FDX2: variants seen among roughly 807,000 people sequenced by gnomAD.
The protein encoded by FDX2 is ferredoxin-2, mitochondrial.
A neutral mutation model predicts 18.5 loss-of-function variants in FDX2; 13 were observed. That is an observed-to-expected ratio of 0.70 (90% CI 0.46 to 1.12). The LOEUF (loss-of-function observed/expected upper bound fraction) is 1.12. Among genes scored for constraint, FDX2 ranks in the 50% most tolerant of loss-of-function variants. The pLI, the probability that FDX2 is intolerant of heterozygous loss-of-function variation, is 0.00. For synonymous variants in FDX2, 132 were observed against 106.2 expected, an observed-to-expected ratio of 1.24 and a Z score of -1.49; for missense variants, 238 against 250.4, an observed-to-expected ratio of 0.95 and a Z score of 0.34.
In FDX2 at chr19:10,310,456, T is replaced by A. The variant is rs773013930; in HGVS notation, c.*30A>T. On this transcript the variant is annotated 3_prime_UTR_variant, in exon 5 of 5. Coordinates refer to ENST00000393708, the MANE Select transcript of FDX2 (RefSeq NM_001031734.4). ...TCCCTCAATCTGGGCCCTGGGGCCA[T>A]GGCAATGTGGAATGGTCCAGGTGTT... 1 of 1,613,752 alleles carries A rather than the reference T, an allele frequency of 6.2e-7. No individual in the cohort carries two copies. Among genetic ancestry groups the A allele is most frequent in the East Asian group, 2.2e-5 (1 of 44,854 alleles).
At position 10,310,812 on chromosome 19, in the gene FDX2, C is replaced by T. The variant is rs745765253; in HGVS notation, c.404+41G>A. ...AGGATGGTGGGGGCTGCTGAATGCT[C>T]CAGGGTGAAGCTGCCAGCTAGACAG... On this transcript the variant is annotated intron_variant, in intron 4 of 4. Coordinates refer to ENST00000393708, the MANE Select transcript of FDX2 (RefSeq NM_001031734.4). 7.5e-6 allele frequency: 12 copies of T among 1,595,486 alleles called. No individual in the cohort carries two copies. The Admixed American group carries it at 2.0e-4, about 27-fold the overall frequency.
intron 3 of FDX2, 96 bp from the exon 4 acceptor site, chr19:10,311,036 C>G: frequency 3.7e-6 from 3 of 821,008 alleles, no homozygotes. Flanking sequence ...TCTTCCACCA[C>G]GTGCCTCACG....
At chr19:10,315,336 T>TTTTTTTTGGAAAAA in intron 3 of FDX2, 50 bp downstream of exon 3, 1 of 1,064,308 alleles carries the variant, frequency 9.4e-7, no homozygotes. Flanking sequence ...TTTTTTTTTT[T>TTTTTTTTGGAAAAA]TTGGACAAAT....
At chr19:10,315,552 A>AT in intron 2 of FDX2, 60 bp from the exon 3 acceptor site, 1 of 1,577,810 alleles carries the variant, frequency 6.3e-7, no homozygotes, top group Admixed American at 1.7e-5. Flanking sequence ...CCCGGGTAGA[A>AT]TCTAGGGTTA....
Position 10,315,994 on chromosome 19 carries a change from C to CA in FDX2, c.11dup (p.Met4IlefsTer106). The CA allele has an allele frequency of 6.2e-7, 1 of 1,602,724 alleles. No homozygotes were observed. The highest frequency in any genetic ancestry group is 8.5e-7 in the Non-Finnish European group (1 of 1,177,302). On this transcript the variant is annotated frameshift_variant, in exon 1 of 5. Transcript: ENST00000393708. LOFTEE classifies it high-confidence loss of function. ...CGCCTCCCCGGGCCATGGAGGCGGC[C>CA]ATGACATGCATCACGTGACTCACCG...
At chr19:10,315,618 G>A in intron 2 of FDX2, 87 bp downstream of exon 2, 1 of 1,517,282 alleles carries the variant, frequency 6.6e-7, no homozygotes, top group Non-Finnish European at 8.9e-7. Flanking sequence ...AGCAGAAGGG[G>A]GACCTCGAGA....
chr19:10,315,776 G>A lies in FDX2; in HGVS notation c.155-17C>T, dbSNP rs1269081808. The A allele has an allele frequency of 6.2e-7, 1 of 1,603,538 alleles. No homozygotes were observed. The highest frequency in any genetic ancestry group is 1.1e-5 in the South Asian group (1 of 90,070). The stretch of plus-strand genomic sequence containing the variant: ...GGCGCGAGCCTGGAAAACACGGTTC[G>A]GTGAGCGGCTGCGCCGAGCCCCGCC... On this transcript the variant is annotated splice_polypyrimidine_tract_variant and intron_variant, in intron 1 of 4. Coordinates refer to ENST00000393708, the MANE Select transcript of FDX2 (RefSeq NM_001031734.4).
chr19:10,310,054 C>T lies in FDX2; in HGVS notation c.*432G>A, dbSNP rs562719371. ...TACCACCACTCCACGCTAATTTTTA[C>T]TGTTTTTATAGAGACGAGGTCTCGC... On this transcript the variant is annotated 3_prime_UTR_variant, in exon 5 of 5. Transcript: ENST00000393708. 3 of 172,346 alleles carry T rather than the reference C, an allele frequency of 1.7e-5. No individual in the cohort carries two copies. Among genetic ancestry groups the T allele is most frequent in the East Asian group, 3.1e-4 (2 of 6,350 alleles). 10.7% of individuals were successfully genotyped at this position (172,346 alleles called of 1,614,324 possible).
intron 3 of FDX2, 49 bp downstream of exon 3, chr19:10,315,337 T>TTGGAAAAA: frequency 9.4e-7 from 1 of 1,064,558 alleles, no homozygotes; most frequent in Non-Finnish European, 1.3e-6. Context: ...TTTTTTTTTT[T>TTGGAAAAA]TGGACAAATG....
intron 1 of FDX2, 38 bp downstream of exon 1, chr19:10,315,814 G>A (rs756513776): frequency 1.9e-6 from 3 of 1,600,196 alleles, no homozygotes; most frequent in Middle Eastern, 1.7e-4. Flanking sequence ...GCCGGCATCT[G>A]ACGGATTAAC....
chr19:10,312,821 G>A (rs2040337905), intron 3 of FDX2, among the ~76,000 whole-genome samples: 1 of 151,672 alleles, frequency 6.6e-6, no homozygotes, highest in East Asian at 2.0e-4. Context: ...ACAGGCGTGA[G>A]CCACCACACC....
intron 3 of FDX2, among the ~76,000 whole-genome samples, chr19:10,312,740 T>G (rs914556605): frequency 6.6e-6 from 1 of 151,162 alleles, no homozygotes; most frequent in Non-Finnish European, 1.5e-5. Flanking sequence ...GGTTTCACCA[T>G]GTTAGCCAGG....
intron 3 of FDX2, among the ~76,000 whole-genome samples, chr19:10,311,182 T>G (rs2040320251): frequency 6.6e-6 from 1 of 152,094 alleles, no homozygotes. Flanking sequence ...AGGGACTCCC[T>G]AGCAGGCTGA....
At chr19:10,311,622 G>T (rs192206176) in intron 3 of FDX2, among the ~76,000 whole-genome samples, 1 of 151,320 alleles carries the variant, frequency 6.6e-6, no homozygotes, top group African/African-American at 2.4e-5. Context: ...GGATGGTCTT[G>T]ATCTCCTGAC....
intron 3 of FDX2, among the ~76,000 whole-genome samples, chr19:10,312,442 T>C (rs1010007174): frequency 2.6e-5 from 4 of 152,130 alleles, no homozygotes; most frequent in African/African-American, 9.7e-5. Context: ...CCTAAAACTT[T>C]CCAAAGGGTT....
chr19:10,310,624 G>A lies in FDX2; in HGVS notation c.423C>T (p.Asp141=), dbSNP rs749088975. 26 of 1,602,762 alleles carry A rather than the reference G, an allele frequency of 1.6e-5. No individual in the cohort carries two copies. The South Asian group carries it at 2.9e-4, about 18-fold the overall frequency. The change falls in exon 5 of 5, where the codon GAC becomes GAT. Residue 141 remains aspartate, a synonymous_variant. Transcript: ENST00000393708. The stretch of plus-strand genomic sequence containing the variant: ...AGTTCTCCTGGAGGAGGGGGGCCAT[G>A]TCTAGCATGTCGTCTTCCCTAGGGT...
rs759014355 is a variant in FDX2, at chr19:10,310,571, G to A, written c.476C>T (p.Thr159Ile). 14 of 1,614,124 alleles carry A rather than the reference G, an allele frequency of 8.7e-6. No homozygotes were observed. Among genetic ancestry groups the A allele is most frequent in the Non-Finnish European group, 1.1e-5 (13 of 1,180,022 alleles). ...GAATTCCGCTCCTTCCAGCTCCGGT[G>A]TCAGCACAATCTGGCAGCCCAGCCG... Residue 159 changes from threonine to isoleucine, a missense_variant, in exon 5 of 5, where the codon ACA becomes ATA. Coordinates refer to ENST00000393708, the MANE Select transcript of FDX2 (RefSeq NM_001031734.4).
intron 3 of FDX2, among the ~76,000 whole-genome samples, chr19:10,311,963 C>G (rs1172317443): frequency 6.7e-6 from 1 of 150,088 alleles, no homozygotes; most frequent in Non-Finnish European, 1.5e-5. Flanking sequence ...CTCTGCCTCC[C>G]AGGTTCAAGT....
At chr19:10,312,172 ATTT>A (rs60538704) in intron 3 of FDX2, among the ~76,000 whole-genome samples, 3 of 82,520 alleles carry the variant, frequency 3.6e-5, no homozygotes, top group African/African-American at 4.9e-5. Flanking sequence ...ACCTGGCCAT[ATTT>A]TTTTTTTTTT....
Sources: gnomAD v4.1 joint callset for allele counts (sites outside exome capture counted in the v4.1 genomes callset) on GRCh38, gnomAD v4.1.1 for gene constraint, MANE v1.5 for transcripts, NCBI Gene and HGNC (gene_info 2026-07-23, HGNC 2026-07-21) for gene names.